CATSPERE: variants seen among roughly 807,000 people sequenced by gnomAD.
CATSPERE encodes the protein catsper channel auxiliary subunit epsilon.
CATSPERE carries 93 observed loss-of-function variants against 114.1 expected under a neutral mutation model. That is an observed-to-expected ratio of 0.81 (90% CI 0.69 to 0.97). The LOEUF is 0.97. CATSPERE is among the 50% of genes least tolerant of loss of function. The probability of loss-of-function intolerance (pLI) is 0.00; values close to 1 mark genes in which losing one functional copy is unlikely to be tolerated. For synonymous variants in CATSPERE, 341 were observed against 384.1 expected (o/e 0.89, Z 1.31); for missense variants, 1,058 against 1,131.6 (o/e 0.93, Z 0.93).
At chr1:244,473,099 C>T (rs1023767673) in intron 2 of CATSPERE, among the ~76,000 whole-genome samples, 1 of 152,168 alleles carries the variant, frequency 6.6e-6, no homozygotes, top group Admixed American at 6.5e-5. Context: ...GACAGGTTTT[C>T]GTGTGGACCC....
At chr1:244,500,412 C>G (rs1177194039) in intron 7 of CATSPERE, among the ~76,000 whole-genome samples, 1 of 152,114 alleles carries the variant, frequency 6.6e-6, no homozygotes, top group Non-Finnish European at 1.5e-5. Flanking sequence ...GTCATGAAGT[C>G]TTTGCCCATG....
Position 244,640,240 on chromosome 1 carries a change from C to A in CATSPERE, c.*159C>A. On this transcript the variant is annotated 3_prime_UTR_variant, in exon 22 of 22. Transcript: ENST00000366534. ...CTGAAAAATATTCTTGAACTATCTC[C>A]AAAATAGAAATGTTTTCATATATAT... 1 of 541,990 alleles carries A rather than the reference C, an allele frequency of 1.8e-6. No individual in the cohort carries two copies. The highest frequency in any genetic ancestry group is 3.2e-6 in the Non-Finnish European group (1 of 315,298). The allele number at this position is 541,990 out of a possible 1,614,324, so 33.6% of individuals were successfully genotyped here.
chr1:244,606,535 T>C (rs373972002), intron 18 of CATSPERE, among the ~76,000 whole-genome samples: 9 of 151,348 alleles, frequency 5.9e-5, no homozygotes, highest in Admixed American at 1.3e-4. Context: ...GTATAACCCA[T>C]CTAGATGGCA....
At chr1:244,579,923 A>G (rs1440526600) in intron 11 of CATSPERE, among the ~76,000 whole-genome samples, 2 of 152,200 alleles carry the variant, frequency 1.3e-5, no homozygotes, top group African/African-American at 4.8e-5. Flanking sequence ...GTTAGTATAC[A>G]TTAAGGGCTT....
chr1:244,543,714 G>T (rs1659262173), intron 8 of CATSPERE, among the ~76,000 whole-genome samples: 1 of 150,056 alleles, frequency 6.7e-6, no homozygotes. Flanking sequence ...TGTGCATTCA[G>T]CCCTTTTTTC....
chr1:244,465,759 A>C (rs1435418551), intron 2 of CATSPERE, among the ~76,000 whole-genome samples: 1 of 152,232 alleles, frequency 6.6e-6, no homozygotes, highest in Non-Finnish European at 1.5e-5. Flanking sequence ...ACAAGCAAAA[A>C]TCTGCTGAGA....
chr1:244,587,026 A>G (rs191413325), intron 13 of CATSPERE, among the ~76,000 whole-genome samples: 74 of 152,300 alleles, frequency 4.9e-4, no homozygotes, highest in Middle Eastern at 3.4e-3. Flanking sequence ...TTTTAGTTCC[A>G]TGGAACCTGT....
chr1:244,479,150 A>G (rs550755624), intron 4 of CATSPERE, among the ~76,000 whole-genome samples: 3 of 149,976 alleles, frequency 2.0e-5, no homozygotes, highest in Non-Finnish European at 3.0e-5. Context: ...CTGGAGTGCA[A>G]TGGTGCAATC....
intron 17 of CATSPERE, among the ~76,000 whole-genome samples, chr1:244,602,526 G>A (rs1288590105): frequency 2.0e-5 from 3 of 152,146 alleles, no homozygotes; most frequent in Admixed American, 6.5e-5. Context: ...CCGATAAAAG[G>A]ACAATAGACT....
chr1:244,571,205 G>T (rs1398695230), intron 10 of CATSPERE, among the ~76,000 whole-genome samples: 2 of 152,118 alleles, frequency 1.3e-5, no homozygotes, highest in African/African-American at 2.4e-5. Context: ...GATTAGATAA[G>T]TTTAAGTAGA....
Position 244,484,739 on chromosome 1 carries a change from A to G in CATSPERE, c.326+4955A>G, listed in dbSNP as rs1256606979. Among the ~76,000 whole-genome samples, 2 of 152,180 alleles carry G rather than the reference A, an allele frequency of 1.3e-5. 1 individual carries two copies. Among genetic ancestry groups the G allele is most frequent in the Non-Finnish European group, 2.9e-5 (2 of 68,030 alleles). On this transcript the variant is annotated intron_variant, in intron 5 of 21. Coordinates refer to ENST00000366534, the MANE Select transcript of CATSPERE (RefSeq NM_001130957.2). ...CACAGACCTATCATTTCTTTGCTCAACAATGCTTATATTCTCAGACATGTT... is the reference window on the plus strand; with the variant it reads ...CACAGACCTATCATTTCTTTGCTCAGCAATGCTTATATTCTCAGACATGTT...
At chr1:244,481,095 G>A (rs943602620) in intron 5 of CATSPERE, among the ~76,000 whole-genome samples, 8 of 152,010 alleles carry the variant, frequency 5.3e-5, no homozygotes, top group Admixed American at 2.6e-4. Flanking sequence ...TCAAGGTTAC[G>A]GTGAGCTATA....
At chr1:244,535,893 G>C (rs1203743177) in intron 8 of CATSPERE, among the ~76,000 whole-genome samples, 2 of 151,892 alleles carry the variant, frequency 1.3e-5, no homozygotes, top group African/African-American at 2.4e-5. Context: ...ACATGAAGCT[G>C]GCACATCTCA....
At chr1:244,570,494 A>T (rs1304570359) in intron 10 of CATSPERE, among the ~76,000 whole-genome samples, 1 of 152,086 alleles carries the variant, frequency 6.6e-6, no homozygotes, top group Non-Finnish European at 1.5e-5. Context: ...ATTAAGTTAA[A>T]TGGTTATTTC....
At chr1:244,490,105 C>T (rs1337181672) in intron 5 of CATSPERE, among the ~76,000 whole-genome samples, 3 of 152,064 alleles carry the variant, frequency 2.0e-5, no homozygotes, top group Non-Finnish European at 4.4e-5. Flanking sequence ...ACAAATGATG[C>T]TTTTTGTTAA....
At chr1:244,533,824 A>G (rs11485037) in intron 8 of CATSPERE, among the ~76,000 whole-genome samples, 18,472 of 151,958 alleles carry the variant, frequency 0.12, 1,885 homozygotes, top group African/African-American at 0.28. Flanking sequence ...TTAATATCCT[A>G]TGTTTTTCTG....
upstream of CATSPERE, among the ~76,000 whole-genome samples, chr1:244,460,721 C>T (rs1666611536): frequency 6.6e-6 from 1 of 152,274 alleles, no homozygotes; most frequent in East Asian, 1.9e-4. Context: ...GGAGACCAGC[C>T]TGGGCAAGAT....
intron 2 of CATSPERE, among the ~76,000 whole-genome samples, chr1:244,466,409 A>C (rs1667611693): frequency 6.6e-6 from 1 of 152,132 alleles, no homozygotes. Context: ...GACAATCCTC[A>C]GGGATTGTGT....
intron 2 of CATSPERE, among the ~76,000 whole-genome samples, chr1:244,465,406 T>TA (rs1423025046): frequency 5.9e-5 from 9 of 152,232 alleles, no homozygotes; most frequent in African/African-American, 2.2e-4. Context: ...TTATATTTCT[T>TA]ATATTTTTAC....
Sources: allele counts gnomAD v4.1 joint callset (sites outside exome capture counted in the v4.1 genomes callset), GRCh38; gene constraint gnomAD v4.1.1; transcripts MANE v1.5; gene names NCBI Gene and HGNC (gene_info 2026-07-23, HGNC 2026-07-21).